CTNNA3: variants seen among roughly 807,000 people sequenced by gnomAD.
The protein encoded by CTNNA3 is catenin alpha-3.
A neutral mutation model predicts 95.7 loss-of-function variants in CTNNA3; 76 were observed. The observed-to-expected ratio is 0.79, with a 90% CI of 0.66 to 0.96. The LOEUF is 0.96. CTNNA3 is among the 40% of genes least tolerant of loss of function. The pLI, the probability that CTNNA3 is intolerant of heterozygous loss-of-function variation, is 0.00. For synonymous variants in CTNNA3, 431 were observed against 374.4 expected (o/e 1.15, Z -1.74); for missense variants, 1,191 against 1,089.8 (o/e 1.09, Z -1.31).
chr10:65,924,258 T>C (rs1334321358), intron 17 of CTNNA3, among the ~76,000 whole-genome samples: 1 of 152,116 alleles, frequency 6.6e-6, no homozygotes, highest in Non-Finnish European at 1.5e-5. Flanking sequence ...GTTTCAACCT[T>C]AGCTTCCTCT....
chr10:66,939,264 C>A (rs551294412), intron 7 of CTNNA3, among the ~76,000 whole-genome samples: 31 of 152,206 alleles, frequency 2.0e-4, no homozygotes, highest in African/African-American at 7.5e-4. Flanking sequence ...TCCTTTCCTC[C>A]CTTCTGTTCA....
intron 7 of CTNNA3, among the ~76,000 whole-genome samples, chr10:66,852,417 A>G (rs1437084525): frequency 6.6e-6 from 1 of 152,166 alleles, no homozygotes; most frequent in Non-Finnish European, 1.5e-5. Flanking sequence ...AAAAGAAAGC[A>G]ATATATACTT....
At chr10:66,557,041 A>AT (rs1051540619) in intron 10 of CTNNA3, among the ~76,000 whole-genome samples, 5 of 151,734 alleles carry the variant, frequency 3.3e-5, no homozygotes, top group Non-Finnish European at 5.9e-5. Flanking sequence ...TACAACTGCA[A>AT]TTTTTTTTCA....
intron 1 of CTNNA3, among the ~76,000 whole-genome samples, chr10:67,684,523 CT>C (rs753846909): frequency 6.6e-5 from 10 of 152,224 alleles, no homozygotes; most frequent in Non-Finnish European, 1.5e-4. Context: ...TCAATCCCCC[CT>C]CTAAACAGGA....
intron 12 of CTNNA3, among the ~76,000 whole-genome samples, chr10:66,315,953 T>G (rs892065726): frequency 1.3e-5 from 2 of 152,120 alleles, no homozygotes; most frequent in African/African-American, 4.8e-5. Flanking sequence ...AAATCCTCAC[T>G]TAACATTATT....
At chr10:67,504,054 G>A (rs1202724954) in intron 5 of CTNNA3, among the ~76,000 whole-genome samples, 6 of 151,862 alleles carry the variant, frequency 4.0e-5, no homozygotes, top group Non-Finnish European at 8.8e-5. Context: ...CTACTTGGGA[G>A]GCTGAGGCAG....
intron 14 of CTNNA3, among the ~76,000 whole-genome samples, chr10:66,081,325 A>G (rs72793461): frequency 0.051 from 7,789 of 152,188 alleles, 258 homozygotes; most frequent in East Asian, 0.19. Context: ...AAAAAGAAAC[A>G]GGATGTCCAG....
chr10:67,141,879 A>G (rs1280726823), intron 7 of CTNNA3, among the ~76,000 whole-genome samples: 1 of 152,056 alleles, frequency 6.6e-6, no homozygotes, highest in Non-Finnish European at 1.5e-5. Flanking sequence ...TAGATTTTAG[A>G]GGCACATAAA....
chr10:66,656,051 G>A (rs547003234), intron 9 of CTNNA3, among the ~76,000 whole-genome samples: 15 of 151,946 alleles, frequency 9.9e-5, no homozygotes, highest in Middle Eastern at 3.4e-3. Context: ...TTTAGTACAC[G>A]GCCAGTAAAT....
chr10:66,634,537 T>C (rs1485718333), intron 9 of CTNNA3, among the ~76,000 whole-genome samples: 1 of 151,496 alleles, frequency 6.6e-6, no homozygotes, highest in Non-Finnish European at 1.5e-5. Flanking sequence ...ATAATGAATT[T>C]AAATTCAACA....
chr10:66,196,607 C>T (rs2086974937), intron 13 of CTNNA3, among the ~76,000 whole-genome samples: 1 of 152,230 alleles, frequency 6.6e-6, no homozygotes, highest in Non-Finnish European at 1.5e-5. Context: ...TTTCAGGTTA[C>T]ATCACCTGGC....
chr10:67,626,757 A>G (rs1401630719), intron 2 of CTNNA3, among the ~76,000 whole-genome samples: 1 of 151,312 alleles, frequency 6.6e-6, no homozygotes, highest in African/African-American at 2.5e-5. Context: ...ATACATGTAT[A>G]CGTGTGTGTT....
At chr10:66,454,414 T>C (rs1208158037) in intron 11 of CTNNA3, among the ~76,000 whole-genome samples, 1 of 152,148 alleles carries the variant, frequency 6.6e-6, no homozygotes, top group African/African-American at 2.4e-5. Flanking sequence ...ATTATCACCA[T>C]AGCATCATAG....
At chr10:67,580,996 A>G (rs1176330828) in intron 3 of CTNNA3, among the ~76,000 whole-genome samples, 3 of 152,006 alleles carry the variant, frequency 2.0e-5, no homozygotes, top group Admixed American at 6.6e-5. Context: ...CAATCATGTC[A>G]TCTGCAAACA....
At chr10:66,901,929 A>G (rs7076694) in intron 7 of CTNNA3, among the ~76,000 whole-genome samples, 132,424 of 152,028 alleles carry the variant, frequency 0.87, 58,035 homozygotes, top group East Asian at 0.99. Context: ...AATAATAATG[A>G]GAGACTTTAA....
chr10:66,746,978 A>G (rs985940904), intron 9 of CTNNA3, among the ~76,000 whole-genome samples: 1 of 152,148 alleles, frequency 6.6e-6, no homozygotes, highest in African/African-American at 2.4e-5. Flanking sequence ...ATAGATTTTT[A>G]GTCAGTAATG....
intron 10 of CTNNA3, among the ~76,000 whole-genome samples, chr10:66,561,359 AAAT>A (rs1842547577): frequency 6.6e-6 from 1 of 152,166 alleles, no homozygotes; most frequent in African/African-American, 2.4e-5. Flanking sequence ...AATTATTATT[AAAT>A]GTTTACCGTG....
rs182974793 is a variant in CTNNA3 at position 65,915,763 on chromosome 10, T to C, written c.*4567A>G. Reference sequence around the variant, plus strand: ...GTCCAGAAATGGATTCTATCTTGTCTGTTAGGGGGAAAATATTCACATGCA... The same window carrying C: ...GTCCAGAAATGGATTCTATCTTGTCCGTTAGGGGGAAAATATTCACATGCA... On this transcript the variant is annotated 3_prime_UTR_variant, in exon 18 of 18. Transcript: ENST00000433211. 1 of 152,322 alleles carries C rather than the reference T, an allele frequency of 6.6e-6. No individual in the cohort carries two copies. Among genetic ancestry groups the C allele is most frequent in the East Asian group, 1.9e-4 (1 of 5,188 alleles). The allele number at this position is 152,322 out of a possible 1,614,324, so 9.4% of individuals were successfully genotyped here. A position where few individuals can be genotyped will look rare whatever the true frequency, so the allele number is the denominator to read the frequency against.
chr10:67,363,965 A>C (rs1843101432), intron 5 of CTNNA3, among the ~76,000 whole-genome samples: 1 of 152,214 alleles, frequency 6.6e-6, no homozygotes, highest in Non-Finnish European at 1.5e-5. Context: ...AATCCTCCCA[A>C]ACTCATTTTA....
Sources: gnomAD v4.1 joint callset for allele counts (sites outside exome capture counted in the v4.1 genomes callset) on GRCh38, gnomAD v4.1.1 for gene constraint, MANE v1.5 for transcripts, NCBI Gene and HGNC (gene_info 2026-07-23, HGNC 2026-07-21) for gene names.